NRG2: variants seen among roughly 807,000 people sequenced by gnomAD.
The protein encoded by NRG2 is pro-neuregulin-2, membrane-bound isoform.
A neutral mutation model predicts 73.9 loss-of-function variants in NRG2; 27 were observed. That is an observed-to-expected ratio of 0.37 (90% CI 0.27 to 0.50). NRG2 has a LOEUF of 0.50. Among genes scored for constraint, NRG2 ranks in the 20% least tolerant of loss-of-function variants. NRG2 has a pLI of 0.96. For missense variants in NRG2, 1,126 were observed against 1,210.1 expected (o/e 0.93, Z 1.03); for synonymous variants, 532 against 541.0 (o/e 0.98, Z 0.23).
At chr5:139,922,070 C>CAAAAAAAA (rs35988908) in intron 1 of NRG2, among the ~76,000 whole-genome samples, 1 of 77,182 alleles carries the variant, frequency 1.3e-5, no homozygotes, top group African/African-American at 4.3e-5. Flanking sequence ...GATTCTGTCT[C>CAAAAAAAA]AAAAAAAAAA....
At chr5:139,898,350 A>C (rs945382673) in intron 1 of NRG2, among the ~76,000 whole-genome samples, 1 of 152,214 alleles carries the variant, frequency 6.6e-6, no homozygotes, top group Non-Finnish European at 1.5e-5. Context: ...TGGCTGGTTT[A>C]GGGGAGCAGG....
intron 1 of NRG2, among the ~76,000 whole-genome samples, chr5:139,991,771 G>A (rs980002594): frequency 2.0e-5 from 3 of 151,860 alleles, no homozygotes; most frequent in Non-Finnish European, 4.4e-5. Context: ...TCGCTTTTTT[G>A]CATATGAATT....
At chr5:139,968,942 A>C (rs1415825075) in intron 1 of NRG2, among the ~76,000 whole-genome samples, 1 of 152,102 alleles carries the variant, frequency 6.6e-6, no homozygotes, top group Non-Finnish European at 1.5e-5. Flanking sequence ...CCTGGTGGAG[A>C]GATGAGGAAG....
In NRG2 at chr5:139,921,834, G is replaced by A. The variant is rs546032835; in HGVS notation, c.701-34323C>T. Among the ~76,000 whole-genome samples the A allele has an allele frequency of 5.6e-4, 85 of 152,214 alleles. 2 individuals are homozygous for A. The highest frequency in any genetic ancestry group is 1.3e-3 in the African/African-American group (56 of 41,548). ...TCCAGCACTTTGACAGGTCAAGGTC[G>A]GTGGATCACTTGAGCTCAGGAGTTT... is the stretch of plus-strand genomic sequence containing the variant. On this transcript the variant is annotated intron_variant, in intron 1 of 9. Coordinates refer to ENST00000361474, the MANE Select transcript of NRG2 (RefSeq NM_004883.3).
chr5:139,995,848 T>C (rs776360834), intron 1 of NRG2, among the ~76,000 whole-genome samples: 9 of 152,154 alleles, frequency 5.9e-5, no homozygotes, highest in Non-Finnish European at 1.2e-4. Context: ...ACTCTATTTC[T>C]ACAAAATAAA....
At chr5:139,985,094 C>T (rs1393493999) in intron 1 of NRG2, among the ~76,000 whole-genome samples, 4 of 152,086 alleles carry the variant, frequency 2.6e-5, no homozygotes, top group Non-Finnish European at 4.4e-5. Context: ...AATCCCAGCA[C>T]TTTGGGAGGC....
intron 1 of NRG2, among the ~76,000 whole-genome samples, chr5:140,024,090 G>A (rs559874781): frequency 6.6e-6 from 1 of 152,040 alleles, no homozygotes; most frequent in Admixed American, 6.5e-5. Flanking sequence ...CCAGAAACAG[G>A]CTCCCTCCCC....
chr5:139,889,393 T>C lies in NRG2; in HGVS notation c.701-1882A>G, dbSNP rs188021802. On this transcript the variant is annotated intron_variant, in intron 1 of 9. Transcript: ENST00000361474. Reference sequence around the variant, plus strand: ...AATTCAAGAAGTGAAAAGAGGTATATGGATTAAAAAACAAGTCTCTCTCTA... The same window carrying C: ...AATTCAAGAAGTGAAAAGAGGTATACGGATTAAAAAACAAGTCTCTCTCTA... Among the ~76,000 whole-genome samples the C allele has an allele frequency of 7.6e-4, 116 of 152,304 alleles. No homozygotes were observed. The Middle Eastern group carries it at 0.017, about 22-fold the overall frequency.
rs1756271462 is a variant in NRG2, at chr5:139,974,963, T to C, written c.700+67407A>G. Among the ~76,000 whole-genome samples, 3 of 152,248 alleles carry C rather than the reference T, an allele frequency of 2.0e-5. No individual in the cohort carries two copies. The South Asian group carries it at 6.2e-4, about 31-fold the overall frequency. ...TGGAAAACCCATTTCCTGGTCTGTA[T>C]GTAGGCCATGCGCCCCCTGTGTGGG... On this transcript the variant is annotated intron_variant, in intron 1 of 9. Coordinates refer to ENST00000361474, the MANE Select transcript of NRG2 (RefSeq NM_004883.3).
Position 139,947,271 on chromosome 5 carries a change from C to T in NRG2, c.701-59760G>A, listed in dbSNP as rs144137433. 4.0e-3 allele frequency among the ~76,000 whole-genome samples: 613 copies of T among 152,306 alleles called. 3 individuals are homozygous for T. Among genetic ancestry groups the T allele is most frequent in the African/African-American group, 0.014 (602 of 41,580 alleles). On this transcript the variant is annotated intron_variant, in intron 1 of 9. Coordinates refer to ENST00000361474, the MANE Select transcript of NRG2 (RefSeq NM_004883.3). ...TCCCCAGTTTGAAGAAACTGCTAAT[C>T]AGCCTTCTGTATCTAAAGATCTGCC...
intron 1 of NRG2, among the ~76,000 whole-genome samples, chr5:139,964,896 G>A (rs1439253062): frequency 1.3e-5 from 2 of 152,248 alleles, no homozygotes; most frequent in African/African-American, 2.4e-5. Flanking sequence ...TGACTGTCAG[G>A]AGATGCCACT....
chr5:140,013,568 TAA>T lies in NRG2; in HGVS notation c.700+28800_700+28801del, dbSNP rs565487729. On this transcript the variant is annotated intron_variant, in intron 1 of 9. Coordinates refer to ENST00000361474, the MANE Select transcript of NRG2 (RefSeq NM_004883.3). ...TTACCACAGTAAAAAATAATGAAAT[TAA>T]AACCCCTCCAGATTCAATTTCCCCT... Among the ~76,000 whole-genome samples the T allele has an allele frequency of 1.7e-3, 253 of 152,278 alleles. 3 individuals are homozygous for T. The highest frequency in any genetic ancestry group is 3.2e-3 in the Non-Finnish European group (215 of 68,012).
At chr5:139,860,395 C>G (rs1762080496) in intron 5 of NRG2, among the ~76,000 whole-genome samples, 1 of 151,110 alleles carries the variant, frequency 6.6e-6, no homozygotes, top group South Asian at 2.1e-4. Context: ...GTTCAGAGTG[C>G]AGGCATGAGG....
intron 1 of NRG2, among the ~76,000 whole-genome samples, chr5:139,931,653 G>T (rs978413967): frequency 6.6e-6 from 1 of 152,178 alleles, no homozygotes; most frequent in Admixed American, 6.5e-5. Context: ...AGGAAAATAT[G>T]CCATCAAGAA....
Position 139,852,516 on chromosome 5 carries a change from C to G in NRG2, c.1460G>C (p.Arg487Thr). The G allele has an allele frequency of 1.2e-6, 2 of 1,614,134 alleles. No individual in the cohort carries two copies. Among genetic ancestry groups the G allele is most frequent in the South Asian group, 2.2e-5 (2 of 91,072 alleles). Residue 487 changes from arginine to threonine, a missense_variant, in exon 8 of 10, where the codon AGA (arginine) becomes ACA (threonine). Physicochemically the swap from Arg to Thr is moderately conservative, Grantham distance 71 (BLOSUM62 -1). Coordinates refer to ENST00000361474, the MANE Select transcript of NRG2 (RefSeq NM_004883.3). The surrounding 1 kb of genome is among the most constrained non-coding windows in gnomAD (Gnocchi z 4.4). The stretch of plus-strand genomic sequence containing the variant: ...CCCAGAGAAGGTGGTCTCAGTTTCT[C>G]TCCTGATGACATGGTCTGTGGCTGG... ...NVPATDHVIRRETETTFSGSH... is the reference protein window; with the variant it reads ...NVPATDHVIRTETETTFSGSH...
Position 139,848,035 on chromosome 5 carries a change from A to G in NRG2, c.2435T>C (p.Leu812Pro), listed in dbSNP as rs1761104889. 19 of 1,508,306 alleles carry G rather than the reference A, an allele frequency of 1.3e-5. No individual in the cohort carries two copies. The highest frequency in any genetic ancestry group is 1.7e-5 in the Non-Finnish European group (19 of 1,134,098). The allele number at this position is 1,508,306 out of a possible 1,614,324, so 93.4% of individuals were successfully genotyped here. A position where few individuals can be genotyped will look rare whatever the true frequency, so the allele number is the denominator to read the frequency against. The change falls in exon 10 of 10, where the codon CTG becomes CCG. Residue 812 changes from leucine to proline, a missense_variant. Physicochemically the swap from Leu to Pro is moderately conservative, Grantham distance 98. This residue lies in a region of NRG2 where 402 missense variants were observed against 357.8 expected (regional missense o/e 1.12). Coordinates refer to ENST00000361474, the MANE Select transcript of NRG2 (RefSeq NM_004883.3). Reference protein sequence around the residue: ...HDALRSDSPPLCPAADSRTYY... With the variant: ...HDALRSDSPPPCPAADSRTYY... ...AGTCCTGCTGTCGGCCGCCGGGCAC[A>G]GTGGCGGCGAGTCCGAGCGCAGCGC...
rs555490252 is a variant in NRG2 at position 139,948,156 on chromosome 5, G to A, written c.701-60645C>T. Among the ~76,000 whole-genome samples the A allele has an allele frequency of 5.3e-5, 8 of 152,224 alleles. No individual in the cohort carries two copies. The South Asian group carries it at 1.7e-3, about 32-fold the overall frequency. On this transcript the variant is annotated intron_variant, in intron 1 of 9. Coordinates refer to ENST00000361474, the MANE Select transcript of NRG2 (RefSeq NM_004883.3). ...CTACTCTAGGCACCTCATATCAATA[G>A]AATTAATGTGGCATTTGTCTTTTTG...
chr5:139,867,785 T>TATGA (rs1561638580), intron 4 of NRG2, among the ~76,000 whole-genome samples: 100 of 138,744 alleles, frequency 7.2e-4, no homozygotes, highest in African/African-American at 2.9e-3. Flanking sequence ...TGTGTGTGTG[T>TATGA]GTGTGTGTGT....
At chr5:139,920,431 C>A (rs1751574626) in intron 1 of NRG2, among the ~76,000 whole-genome samples, 1 of 152,168 alleles carries the variant, frequency 6.6e-6, no homozygotes, top group Non-Finnish European at 1.5e-5. Flanking sequence ...TACTGGGGAT[C>A]TGGTAACCCA....
Sources: gnomAD v4.1 joint callset for allele counts (sites outside exome capture counted in the v4.1 genomes callset) on GRCh38, gnomAD v4.1.1 for gene constraint, gnomAD v4.1.1 regional missense constraint, Gnocchi (gnomAD v3.1) non-coding constraint, MANE v1.5 for transcripts, NCBI Gene and HGNC (gene_info 2026-07-23, HGNC 2026-07-21) for gene names.